The following RASGRF1 variants were observed in gnomAD, a reference collection of about 807,000 sequenced individuals.
The protein encoded by RASGRF1 is Ras protein specific guanine nucleotide releasing factor 1.
In RASGRF1, 40 loss-of-function variants were observed where a neutral mutation model predicts 138.7. That is an observed-to-expected ratio of 0.29 (90% CI 0.22 to 0.38). The LOEUF is 0.38. RASGRF1 is among the 10% of genes least tolerant of loss of function. The pLI is 1.00. For missense variants in RASGRF1, 1,108 were observed against 1,650.4 expected, an observed-to-expected ratio of 0.67 and a Z score of 5.69; for synonymous variants, 614 against 663.2, an observed-to-expected ratio of 0.93 and a Z score of 1.14.
chr15:79,065,769 C>T (rs1215972601), intron 1 of RASGRF1, among the ~76,000 whole-genome samples: 1 of 152,024 alleles, frequency 6.6e-6, no homozygotes, highest in Non-Finnish European at 1.5e-5. Flanking sequence ...AGAGAGGGTG[C>T]CCGTCCCTCC....
intron 21 of RASGRF1, among the ~76,000 whole-genome samples, chr15:78,990,584 G>A (rs1313548109): frequency 1.3e-5 from 2 of 148,684 alleles, no homozygotes; most frequent in African/African-American, 5.0e-5. Context: ...AGGCACACAT[G>A]GTGGAAATAA....
At position 79,055,848 on chromosome 15, in the gene RASGRF1, C is replaced by T. The variant is rs1373061692; in HGVS notation, c.531+2486G>A. Reference sequence around the variant, plus strand: ...GGCAGAAACTGTCATCTCTTTAATGCTTCCCACCGAGCCTGACAACCGTCC... The same window carrying T: ...GGCAGAAACTGTCATCTCTTTAATGTTTCCCACCGAGCCTGACAACCGTCC... On this transcript the variant is annotated intron_variant, in intron 3 of 26. Coordinates refer to ENST00000558480, the MANE Select transcript of RASGRF1 (RefSeq NM_001145648.3). Among the ~76,000 whole-genome samples the T allele has an allele frequency of 2.0e-5, 3 of 152,174 alleles. No individual in the cohort carries two copies. The East Asian group carries it at 5.8e-4, about 29-fold the overall frequency.
chr15:78,982,488 T>C (rs1039228816), intron 23 of RASGRF1, among the ~76,000 whole-genome samples: 3 of 152,158 alleles, frequency 2.0e-5, no homozygotes, highest in Non-Finnish European at 4.4e-5. Flanking sequence ...AAGCATCTTC[T>C]AGCTGGGCCA....
chr15:79,087,365 A>T (rs984390426), intron 1 of RASGRF1, among the ~76,000 whole-genome samples: 2 of 152,220 alleles, frequency 1.3e-5, no homozygotes, highest in Non-Finnish European at 2.9e-5. Context: ...ACGGTCCCTG[A>T]TTCTGCCCCA....
chr15:79,039,879 C>T (rs2057274086), intron 5 of RASGRF1, among the ~76,000 whole-genome samples: 1 of 152,028 alleles, frequency 6.6e-6, no homozygotes, highest in Admixed American at 6.6e-5. Flanking sequence ...AAGTGATCTT[C>T]CCACCTTAGC....
Position 79,007,936 on chromosome 15 carries a change from C to T in RASGRF1, c.1827-1502G>A, listed in dbSNP as rs140814604. Among the ~76,000 whole-genome samples, 1,099 of 151,554 alleles carry T rather than the reference C, an allele frequency of 7.3e-3. 6 individuals carry two copies. Among genetic ancestry groups the T allele is most frequent in the Non-Finnish European group, 0.011 (750 of 67,884 alleles). Reference sequence around the variant, plus strand: ...CCAAGCTGGAGTGCCTCTGCCTCCACGATTCAAGTGATTCTCCTGCCTCAG... The same window carrying T: ...CCAAGCTGGAGTGCCTCTGCCTCCATGATTCAAGTGATTCTCCTGCCTCAG... On this transcript the variant is annotated intron_variant, in intron 13 of 26. Coordinates refer to ENST00000558480, the MANE Select transcript of RASGRF1 (RefSeq NM_001145648.3).
At chr15:79,033,285 C>T (rs2057167981) in intron 6 of RASGRF1, among the ~76,000 whole-genome samples, 2 of 152,300 alleles carry the variant, frequency 1.3e-5, no homozygotes, top group South Asian at 2.1e-4. Context: ...CTCTGTTGCC[C>T]AGGCTGGAGT....
intron 5 of RASGRF1, among the ~76,000 whole-genome samples, chr15:79,044,049 G>C (rs538040122): frequency 1.3e-5 from 2 of 152,290 alleles, no homozygotes; most frequent in East Asian, 3.9e-4. Context: ...AACATGTGCT[G>C]GGCAGTCATG....
At chr15:78,987,908 T>C (rs1345443769) in intron 22 of RASGRF1, among the ~76,000 whole-genome samples, 1 of 152,138 alleles carries the variant, frequency 6.6e-6, no homozygotes, top group African/African-American at 2.4e-5. Context: ...TACCCCAGCT[T>C]GGCCATGGTC....
At chr15:78,990,348 A>C (rs1220214837) in intron 21 of RASGRF1, 75 bp from the exon 22 acceptor site, 1 of 1,082,084 alleles carries the variant, frequency 9.2e-7, no homozygotes, top group Admixed American at 2.0e-5. Flanking sequence ...CATGCTTTTT[A>C]TTTTATTTTT....
chr15:78,963,586 G>T (rs1328893517), intron 26 of RASGRF1, among the ~76,000 whole-genome samples: 1 of 152,094 alleles, frequency 6.6e-6, no homozygotes, highest in Non-Finnish European at 1.5e-5. Context: ...ACAGGTGCGA[G>T]CCACCGTGCC....
chr15:79,077,445 A>C (rs2057848955), intron 1 of RASGRF1, among the ~76,000 whole-genome samples: 1 of 152,208 alleles, frequency 6.6e-6, no homozygotes, highest in Non-Finnish European at 1.5e-5. Flanking sequence ...TTACAAGGTC[A>C]AATGATGGGT....
chr15:79,021,909 G>A (rs1250957950), intron 10 of RASGRF1, among the ~76,000 whole-genome samples: 1 of 152,250 alleles, frequency 6.6e-6, no homozygotes, highest in Non-Finnish European at 1.5e-5. Flanking sequence ...ATAATTAAGA[G>A]TGACAATGTC....
intron 8 of RASGRF1, among the ~76,000 whole-genome samples, chr15:79,030,607 T>C (rs750323607): frequency 6.6e-6 from 1 of 152,132 alleles, no homozygotes; most frequent in Non-Finnish European, 1.5e-5. Context: ...TGAACTCCCC[T>C]CCAGACCTGT....
rs919848270 is a variant in RASGRF1 at position 79,046,686 on chromosome 15, A to G, written c.878+60T>C. 6 of 1,597,290 alleles carry G rather than the reference A, an allele frequency of 3.8e-6. No individual in the cohort carries two copies. In the African/African-American group the frequency reaches 6.7e-5, roughly 18 times the overall value. On this transcript the variant is annotated intron_variant, in intron 5 of 26. Coordinates refer to ENST00000558480, the MANE Select transcript of RASGRF1 (RefSeq NM_001145648.3). The surrounding 1 kb of genome is among the most constrained non-coding windows in gnomAD (Gnocchi z 5.3). The stretch of plus-strand genomic sequence containing the variant: ...CACGTGAGAGAGTGTGTCAAAGCTT[A>G]GCTGCGGCCAATGCTCACTAGTCTC...
At chr15:79,037,180 T>C (rs2057233995) in intron 5 of RASGRF1, among the ~76,000 whole-genome samples, 1 of 152,030 alleles carries the variant, frequency 6.6e-6, no homozygotes, top group Non-Finnish European at 1.5e-5. Flanking sequence ...AAATGTCCAG[T>C]AGCAAGAGAC....
intron 26 of RASGRF1, among the ~76,000 whole-genome samples, chr15:78,962,459 G>T (rs1240674845): frequency 1.3e-5 from 2 of 152,336 alleles, no homozygotes; most frequent in East Asian, 3.9e-4. Flanking sequence ...ATAATATTAA[G>T]GCTGGTACAA....
intron 2 of RASGRF1, among the ~76,000 whole-genome samples, chr15:79,059,755 C>T (rs1037121180): frequency 6.6e-6 from 1 of 152,112 alleles, no homozygotes; most frequent in East Asian, 1.9e-4. Flanking sequence ...ACACACCCCC[C>T]ACAGAGGCAT....
chr15:79,022,242 C>T (rs889107503), intron 10 of RASGRF1, among the ~76,000 whole-genome samples: 1 of 152,128 alleles, frequency 6.6e-6, no homozygotes, highest in African/African-American at 2.4e-5. Context: ...GAGTTTGAGA[C>T]CAGCCTGACC....
Sources: gnomAD v4.1 joint callset for allele counts (sites outside exome capture counted in the v4.1 genomes callset) on GRCh38, gnomAD v4.1.1 for gene constraint, Gnocchi (gnomAD v3.1) non-coding constraint, MANE v1.5 for transcripts, NCBI Gene and HGNC (gene_info 2026-07-23, HGNC 2026-07-21) for gene names.